The following RNF126 variants were observed in gnomAD, a reference collection of about 807,000 sequenced individuals.
The protein encoded by RNF126 is ring finger protein 126, also known as E3 ubiquitin-protein ligase RNF126.
In RNF126, 20 loss-of-function variants were observed where a neutral mutation model predicts 41.9. The ratio of observed to expected loss-of-function variants is 0.48; its 90% confidence interval spans 0.34 to 0.69. The LOEUF is 0.69. RNF126 is among the 30% of genes least tolerant of loss of function. The pLI, the probability that RNF126 is intolerant of heterozygous loss-of-function variation, is 0.01. For missense variants in RNF126, 433 were observed against 460.6 expected, an observed-to-expected ratio of 0.94 and a Z score of 0.55; for synonymous variants, 239 against 202.9, an observed-to-expected ratio of 1.18 and a Z score of -1.51.
rs989082807 is a variant in RNF126, at chr19:647,997, G to T, written c.*131C>A. On this transcript the variant is annotated 3_prime_UTR_variant, in exon 9 of 9. Transcript: ENST00000292363. ...TGGGCCGGGCCCGGGTCCTGCCCTG[G>T]AACAGGCGGGACCTGCAGCGCTGAC... The T allele has an allele frequency of 3.5e-6, 4 of 1,152,006 alleles. No individual in the cohort carries two copies. The highest frequency in any genetic ancestry group is 4.8e-6 in the Non-Finnish European group (4 of 840,610). 71.4% of individuals were successfully genotyped at this position (1,152,006 alleles called of 1,614,324 possible).
chr19:661,422 G>A (rs914261264), intron 1 of RNF126: 2 of 152,380 alleles, frequency 1.3e-5, no homozygotes, highest in Admixed American at 1.3e-4. Flanking sequence ...AAAGCTGGAA[G>A]AGGCAAGAGC....
At chr19:652,619 G>A (rs2030367470) in intron 2 of RNF126, 2 of 613,912 alleles carry the variant, frequency 3.3e-6, no homozygotes, top group Non-Finnish European at 2.9e-6. Flanking sequence ...TGCACAGGTT[G>A]CCGGCACTCC....
intron 1 of RNF126, among the ~76,000 whole-genome samples, chr19:658,599 C>T (rs1370308881): frequency 6.6e-6 from 1 of 152,206 alleles, no homozygotes; most frequent in Non-Finnish European, 1.5e-5. Flanking sequence ...GCCTGCACCC[C>T]TTTCTTCCCG....
At chr19:655,707 G>C (rs868076824) in intron 1 of RNF126, among the ~76,000 whole-genome samples, 3 of 152,172 alleles carry the variant, frequency 2.0e-5, no homozygotes, top group Non-Finnish European at 2.9e-5. Context: ...GCAGACCCCA[G>C]AGAAACGAAG....
intron 1 of RNF126, among the ~76,000 whole-genome samples, chr19:658,560 G>A (rs150829232): frequency 0.012 from 1,767 of 152,240 alleles, 37 homozygotes; most frequent in African/African-American, 0.04. Context: ...TGTGGGCCCC[G>A]CAGCCCCAGA....
intron 2 of RNF126, 90 bp downstream of exon 2, chr19:652,736 C>CG (rs1179256411): frequency 9.9e-5 from 120 of 1,216,394 alleles, no homozygotes; most frequent in South Asian, 4.6e-4. Flanking sequence ...GCCCCACACT[C>CG]GGCGGGGCGG....
At chr19:654,875 G>A (rs2030493406) in intron 1 of RNF126, among the ~76,000 whole-genome samples, 1 of 151,858 alleles carries the variant, frequency 6.6e-6, no homozygotes, top group African/African-American at 2.4e-5. Flanking sequence ...GCTGAGACAG[G>A]AGAATCGCTT....
chr19:656,726 C>G (rs907302032), intron 1 of RNF126, among the ~76,000 whole-genome samples: 6 of 152,198 alleles, frequency 3.9e-5, no homozygotes, highest in African/African-American at 1.4e-4. Flanking sequence ...AGTGTGGGAG[C>G]AGTGTGGCTC....
chr19:662,152 C>G (rs2030831131), intron 1 of RNF126, among the ~76,000 whole-genome samples: 1 of 152,174 alleles, frequency 6.6e-6, no homozygotes, highest in Non-Finnish European at 1.5e-5. Context: ...GACCCCATTC[C>G]TAAAAATAAT....
In RNF126 at chr19:659,978, T is replaced by A. The variant is rs1653429114; in HGVS notation, c.75+3069A>T. Among the ~76,000 whole-genome samples the A allele has an allele frequency of 6.6e-6, 1 of 152,202 alleles. No individual in the cohort carries two copies. Among genetic ancestry groups the A allele is most frequent in the African/African-American group, 2.4e-5 (1 of 41,462 alleles). On this transcript the variant is annotated intron_variant, in intron 1 of 8. Coordinates refer to ENST00000292363, the MANE Select transcript of RNF126 (RefSeq NM_194460.3). The surrounding 1 kb of genome is among the most constrained non-coding windows in gnomAD (Gnocchi z 4.9). ...TGGGGTTTTACCATGTTAGCCAGGC[T>A]GGTCTCGAACTCCTGACCTCAGGTG...
Position 651,597 on chromosome 19 carries a change from C to T in RNF126, c.443+14G>A, listed in dbSNP as rs555095692. The stretch of plus-strand genomic sequence containing the variant: ...GGCGTGGGGCCCTCGCGGCCACCCC[C>T]GGGGCCCCCTCACCCTTCCAGCGTG... On this transcript the variant is annotated intron_variant, in intron 4 of 8. Coordinates refer to ENST00000292363, the MANE Select transcript of RNF126 (RefSeq NM_194460.3). 4.1e-4 allele frequency: 570 copies of T among 1,407,296 alleles called. 1 individual carries two copies. The highest frequency in any genetic ancestry group is 1.1e-3 in the Middle Eastern group (4 of 3,794). The allele number at this position is 1,407,296 out of a possible 1,614,324, so 87.2% of individuals were successfully genotyped here. A position where few individuals can be genotyped will look rare whatever the true frequency, so the allele number is the denominator to read the frequency against.
At chr19:652,441 C>T (rs1038979898) in intron 2 of RNF126, 145 bp from the exon 3 acceptor site, 25 of 727,060 alleles carry the variant, frequency 3.4e-5, no homozygotes, top group African/African-American at 5.4e-5. Context: ...CATTTGGTGC[C>T]GTAACCCGCT....
At chr19:652,477 G>T in intron 2 of RNF126, 181 bp from the exon 3 acceptor site, 1 of 622,682 alleles carries the variant, frequency 1.6e-6, no homozygotes. Context: ...AGTAAACCAC[G>T]GGTTTCTCGA....
chr19:658,822 G>A (rs921490527), intron 1 of RNF126, among the ~76,000 whole-genome samples: 2 of 152,204 alleles, frequency 1.3e-5, no homozygotes, highest in African/African-American at 4.8e-5. Context: ...ACCACCACTA[G>A]GGACTGGAAC....
intron 1 of RNF126, among the ~76,000 whole-genome samples, chr19:653,422 TG>T (rs2030418226): frequency 6.6e-6 from 1 of 152,150 alleles, no homozygotes; most frequent in Admixed American, 6.5e-5. Context: ...AGAGGAGACG[TG>T]AGGACCCTGC....
At chr19:651,558 A>G (rs2030287923) in intron 4 of RNF126, 53 bp downstream of exon 4, 1 of 1,375,502 alleles carries the variant, frequency 7.3e-7, no homozygotes, top group Non-Finnish European at 9.4e-7. Flanking sequence ...AAGCGCCAGA[A>G]CTTCCGACCT....
Position 648,221 on chromosome 19 carries a change from G to A in RNF126, c.843C>T (p.Asn281=), listed in dbSNP as rs2030062876. The change falls in exon 9 of 9, where the codon AAC becomes AAT. Residue 281 remains asparagine, a synonymous_variant. Transcript: ENST00000292363. Reference sequence around the variant, plus strand: ...AGCTCACCCCAGTGAGGCCAGGGGGGTTCGTGGCCGTGTTCTGTCCCGTGA... The same window carrying A: ...AGCTCACCCCAGTGAGGCCAGGGGGATTCGTGGCCGTGTTCTGTCCCGTGA... The part of the protein sequence containing the change: ...KSLTGQNTAT[N]PPGLTGVSFS... The A allele has an allele frequency of 1.9e-6, 3 of 1,600,326 alleles. No individual in the cohort carries two copies. The highest frequency in any genetic ancestry group is 2.3e-5 in the East Asian group (1 of 44,254).
chr19:649,265 G>C (rs1161365184), intron 6 of RNF126: 1 of 331,636 alleles, frequency 3.0e-6, no homozygotes, highest in African/African-American at 2.1e-5. Context: ...GCGGAATGGG[G>C]GGGCCGTGCT....
At chr19:660,482 C>T (rs1446448750) in intron 1 of RNF126, among the ~76,000 whole-genome samples, 1 of 149,394 alleles carries the variant, frequency 6.7e-6, no homozygotes, top group African/African-American at 2.6e-5. Context: ...AGCAGCAGTG[C>T]CGCCCCTGAC....
Sources: allele counts gnomAD v4.1 joint callset (sites outside exome capture counted in the v4.1 genomes callset), GRCh38; gene constraint gnomAD v4.1.1; non-coding constraint Gnocchi (gnomAD v3.1); transcripts MANE v1.5; gene names NCBI Gene and HGNC (gene_info 2026-07-23, HGNC 2026-07-21).